Variants in SYNE3 observed in about 807,000 individuals in gnomAD.
The protein encoded by SYNE3 is spectrin repeat containing nuclear envelope family member 3.
Under a neutral mutation model 111.2 loss-of-function variants are expected in SYNE3, and 100 were observed. That is an observed-to-expected ratio of 0.90 (90% CI 0.77 to 1.06). SYNE3 has a LOEUF of 1.06. Ranked by LOEUF, SYNE3 falls within the 50% of genes least tolerant of loss-of-function variation. SYNE3 has a pLI of 0.00. For missense variants in SYNE3, 1,160 were observed against 1,240.3 expected (o/e 0.94, Z 0.97); for synonymous variants, 547 against 533.9 (o/e 1.02, Z -0.34).
At chr14:95,484,547 C>T (rs1324349868) in intron 1 of SYNE3, among the ~76,000 whole-genome samples, 1 of 152,144 alleles carries the variant, frequency 6.6e-6, no homozygotes, top group Non-Finnish European at 1.5e-5. Context: ...GGTACCAGGG[C>T]ACAGGTACCA....
chr14:95,505,472 C>A (rs1160196957), intron 1 of SYNE3, among the ~76,000 whole-genome samples: 1 of 152,210 alleles, frequency 6.6e-6, no homozygotes, highest in Admixed American at 6.5e-5. Context: ...GCCCTCAGAT[C>A]TGTCAGAATA....
chr14:95,513,737 TTATATATATATATATATATA>T (rs59944497), intron 1 of SYNE3, among the ~76,000 whole-genome samples: 47 of 92,500 alleles, frequency 5.1e-4, no homozygotes, highest in African/African-American at 1.6e-3. Flanking sequence ...GCTGCTTAGA[TTATATATATATATATATATA>T]TATATATATA....
intron 17 of SYNE3, among the ~76,000 whole-genome samples, chr14:95,422,491 A>AC (rs1885180938): frequency 6.6e-6 from 1 of 152,192 alleles, no homozygotes; most frequent in Non-Finnish European, 1.5e-5. Context: ...ATTTCTCACA[A>AC]GAAACAGCAA....
intron 1 of SYNE3, among the ~76,000 whole-genome samples, chr14:95,497,151 T>TC (rs1890128123): frequency 6.6e-6 from 1 of 152,172 alleles, no homozygotes; most frequent in Admixed American, 6.5e-5. Context: ...CCAGCCCCTG[T>TC]CCCCCCACAC....
chr14:95,420,581 C>A (rs1427166228), intron 17 of SYNE3, among the ~76,000 whole-genome samples: 4 of 152,158 alleles, frequency 2.6e-5, no homozygotes, highest in Non-Finnish European at 5.9e-5. Flanking sequence ...GGATGGTCTT[C>A]TCAAAGGATT....
Position 95,439,035 on chromosome 14 carries a change from G to A in SYNE3, c.2374C>T (p.Arg792Cys), listed in dbSNP as rs777728702. ...ACAGCCCTGCTAGACAGACTCACGCGTCGACGATGCCTGGGAATAGGATCC... is the reference window on the plus strand; with the variant it reads ...ACAGCCCTGCTAGACAGACTCACGCATCGACGATGCCTGGGAATAGGATCC... ...PMDPIPRHRR[R>C]ANLLQEEEGS... Residue 792 changes from arginine (R) to cysteine (C), a missense_variant and splice_region_variant, in exon 14 of 18, where the codon CGC becomes TGC. Transcript: ENST00000682763. 34 of 1,614,100 alleles carry A rather than the reference G, an allele frequency of 2.1e-5. No individual in the cohort carries two copies. Among genetic ancestry groups the A allele is most frequent in the East Asian group, 1.6e-4 (7 of 44,890 alleles).
At position 95,491,774 on chromosome 14, in the gene SYNE3, A is replaced by T. The variant is rs1295139615; in HGVS notation, c.-14-15939T>A. 1.1e-4 allele frequency among the ~76,000 whole-genome samples: 6 copies of T among 53,014 alleles called. No individual in the cohort carries two copies. The East Asian group carries it at 3.9e-3, about 35-fold the overall frequency. 34.8% of individuals were successfully genotyped at this position (53,014 alleles called of 152,430 possible). A position where few individuals can be genotyped will look rare whatever the true frequency, so the allele number is the denominator to read the frequency against. ...TTTGTACTTCAAAGGCAAAAATGTT[A>T]AAAAAAAAAAAAAAAGTGACACCAT... On this transcript the variant is annotated intron_variant, in intron 1 of 17. Coordinates refer to ENST00000682763, the MANE Select transcript of SYNE3 (RefSeq NM_152592.6).
intron 16 of SYNE3, among the ~76,000 whole-genome samples, chr14:95,432,999 A>C (rs1885878120): frequency 6.6e-6 from 1 of 151,958 alleles, no homozygotes; most frequent in African/African-American, 2.4e-5. Flanking sequence ...GATAGGAAGC[A>C]CTCCTTACAC....
At chr14:95,477,053 T>C (rs1255774952) in intron 1 of SYNE3, among the ~76,000 whole-genome samples, 1 of 152,192 alleles carries the variant, frequency 6.6e-6, no homozygotes, top group Non-Finnish European at 1.5e-5. Context: ...TAGTCACAAC[T>C]CAACAACTAG....
chr14:95,467,772 G>T (rs1412143135), intron 3 of SYNE3, 23 bp downstream of exon 3: 1 of 1,613,608 alleles, frequency 6.2e-7, no homozygotes, highest in East Asian at 2.2e-5. Context: ...GGCAGCTGTG[G>T]ACAAAGGCCC....
chr14:95,510,234 C>G (rs1336352697), intron 1 of SYNE3, among the ~76,000 whole-genome samples: 1 of 152,090 alleles, frequency 6.6e-6, no homozygotes, highest in Non-Finnish European at 1.5e-5. Context: ...AGATGGGAAA[C>G]AAATGGATTC....
chr14:95,485,694 A>G lies in SYNE3; in HGVS notation c.-14-9859T>C, dbSNP rs1396523559. On this transcript the variant is annotated intron_variant, in intron 1 of 17. Coordinates refer to ENST00000682763, the MANE Select transcript of SYNE3 (RefSeq NM_152592.6). The surrounding 1 kb of genome is among the most constrained non-coding windows in gnomAD (Gnocchi z 4.3). ...GGATACCCAGCATCCCCACAGGCTCAGCTCAGATGGCTCCTCTTCCAGAAA... is the reference window on the plus strand; with the variant it reads ...GGATACCCAGCATCCCCACAGGCTCGGCTCAGATGGCTCCTCTTCCAGAAA... 6.6e-6 allele frequency among the ~76,000 whole-genome samples: 1 copy of G among 152,046 alleles called. No homozygotes were observed. The highest frequency in any genetic ancestry group is 1.5e-5 in the Non-Finnish European group (1 of 67,992).
chr14:95,422,794 T>C (rs1885204463), intron 17 of SYNE3, among the ~76,000 whole-genome samples: 1 of 152,244 alleles, frequency 6.6e-6, no homozygotes. Flanking sequence ...CGTGTTGGCC[T>C]CTGAAGGCCC....
intron 17 of SYNE3, among the ~76,000 whole-genome samples, chr14:95,426,144 A>C (rs1885416282): frequency 6.6e-6 from 1 of 152,250 alleles, no homozygotes; most frequent in Non-Finnish European, 1.5e-5. Flanking sequence ...GTCAAGGACT[A>C]GTTTCAAATA....
intron 11 of SYNE3, among the ~76,000 whole-genome samples, chr14:95,441,964 C>T (rs1031513977): frequency 1.3e-5 from 2 of 152,206 alleles, no homozygotes; most frequent in African/African-American, 2.4e-5. Context: ...ACATCCCACA[C>T]GATTTTCTCA....
chr14:95,421,593 G>A (rs1002572493), intron 17 of SYNE3, among the ~76,000 whole-genome samples: 15 of 152,164 alleles, frequency 9.9e-5, no homozygotes, highest in South Asian at 2.1e-4. Flanking sequence ...ATGAGGCCAC[G>A]CATGCTATGC....
At chr14:95,481,483 T>C (rs1889248993) in intron 1 of SYNE3, among the ~76,000 whole-genome samples, 1 of 152,174 alleles carries the variant, frequency 6.6e-6, no homozygotes, top group Admixed American at 6.5e-5. Flanking sequence ...ATGTTAGATG[T>C]TCCTAGACCC....
chr14:95,408,879 A>G lies in SYNE3; in HGVS notation c.*8947T>C. ...AACTCTGTCCTCTGCCTGCCCCCGC[A>G]AGGGCTGGCCTGTCCGTGCTTTTCC... On this transcript the variant is annotated 3_prime_UTR_variant, in exon 18 of 18. Transcript: ENST00000682763. 5.9e-6 allele frequency: 2 copies of G among 340,200 alleles called. No individual in the cohort carries two copies. Among genetic ancestry groups the G allele is most frequent in the East Asian group, 7.8e-5 (1 of 12,894 alleles). The allele number at this position is 340,200 out of a possible 1,614,324, so 21.1% of individuals were successfully genotyped here. A position where few individuals can be genotyped will look rare whatever the true frequency, so the allele number is the denominator to read the frequency against.
intron 6 of SYNE3, among the ~76,000 whole-genome samples, chr14:95,452,735 C>T (rs1363373924): frequency 6.6e-6 from 1 of 152,226 alleles, no homozygotes; most frequent in Non-Finnish European, 1.5e-5. Flanking sequence ...TCGTTTAAGC[C>T]TCACAACAGT....
Sources: allele counts gnomAD v4.1 joint callset (sites outside exome capture counted in the v4.1 genomes callset), GRCh38; gene constraint gnomAD v4.1.1; non-coding constraint Gnocchi (gnomAD v3.1); transcripts MANE v1.5; gene names NCBI Gene and HGNC (gene_info 2026-07-23, HGNC 2026-07-21).